PRKN: variants seen among roughly 807,000 people sequenced by gnomAD.
PRKN encodes the protein parkin RBR E3 ubiquitin protein ligase.
Under a neutral mutation model 59.5 loss-of-function variants are expected in PRKN, and 56 were observed. The ratio of observed to expected loss-of-function variants is 0.94; its 90% CI spans 0.76 to 1.18. The LOEUF (loss-of-function observed/expected upper bound fraction) is 1.18, where lower values mean the gene tolerates loss of function less well. PRKN is among the 50% of genes most tolerant of loss of function. The probability of loss-of-function intolerance (pLI) is 0.00; values close to 1 mark genes in which losing one functional copy is unlikely to be tolerated. For missense variants in PRKN, 657 were observed against 596.4 expected, an observed-to-expected ratio of 1.10 and a Z score of -1.06; for synonymous variants, 250 against 222.1, an observed-to-expected ratio of 1.13 and a Z score of -1.12.
At chr6:161,989,941 G>C (rs117654177) in intron 5 of PRKN, among the ~76,000 whole-genome samples, 2,349 of 152,216 alleles carry the variant, frequency 0.015, 25 homozygotes, top group Non-Finnish European at 0.024. Flanking sequence ...ATCACCTGGA[G>C]GCCTGAGCAC....
chr6:161,381,983 G>A (rs923887439), intron 10 of PRKN, among the ~76,000 whole-genome samples: 7 of 151,930 alleles, frequency 4.6e-5, no homozygotes, highest in Admixed American at 3.9e-4. Flanking sequence ...GCAGTAGCAG[G>A]TGCCTGTAGT....
At chr6:162,568,446 G>A (rs1001753667) in intron 1 of PRKN, 18 of 615,148 alleles carry the variant, frequency 2.9e-5, no homozygotes, top group Non-Finnish European at 1.8e-5. Flanking sequence ...AGCTTCCGGG[G>A]GTGGCCTGGG....
intron 7 of PRKN, among the ~76,000 whole-genome samples, chr6:161,747,588 G>T (rs999483306): frequency 5.3e-5 from 8 of 152,146 alleles, no homozygotes; most frequent in Non-Finnish European, 8.8e-5. Context: ...AAACACGTGG[G>T]CACGACAATA....
At chr6:162,712,882 T>C (rs953544704) in intron 1 of PRKN, among the ~76,000 whole-genome samples, 1 of 152,198 alleles carries the variant, frequency 6.6e-6, no homozygotes, top group African/African-American at 2.4e-5. Context: ...AACAAACTTA[T>C]GAAACCTCCA....
chr6:162,455,013 T>C (rs970518165), intron 1 of PRKN, among the ~76,000 whole-genome samples: 7 of 152,200 alleles, frequency 4.6e-5, no homozygotes, highest in African/African-American at 1.7e-4. Flanking sequence ...CTGGTATGAA[T>C]ACAGATACAC....
At chr6:162,650,151 T>C (rs1263923836) in intron 1 of PRKN, among the ~76,000 whole-genome samples, 3 of 152,168 alleles carry the variant, frequency 2.0e-5, no homozygotes, top group African/African-American at 7.2e-5. Context: ...TATACCGAAG[T>C]AGAAGCTGCC....
intron 1 of PRKN, among the ~76,000 whole-genome samples, chr6:162,615,376 C>T (rs1243090212): frequency 6.6e-6 from 1 of 152,110 alleles, no homozygotes; most frequent in African/African-American, 2.4e-5. Flanking sequence ...CAGCTATATA[C>T]TCAGCAGTAT....
intron 9 of PRKN, among the ~76,000 whole-genome samples, chr6:161,540,117 C>T (rs905227904): frequency 3.3e-5 from 5 of 152,184 alleles, no homozygotes; most frequent in African/African-American, 1.2e-4. Context: ...GACCCAAGCA[C>T]TACATCCTTA....
At chr6:161,851,164 G>A (rs765576891) in intron 6 of PRKN, among the ~76,000 whole-genome samples, 13 of 152,132 alleles carry the variant, frequency 8.5e-5, no homozygotes, top group Admixed American at 2.0e-4. Context: ...GATTAATGTC[G>A]TTCTCATGGG....
At chr6:162,011,820 A>T (rs974203100) in intron 5 of PRKN, among the ~76,000 whole-genome samples, 2 of 151,822 alleles carry the variant, frequency 1.3e-5, no homozygotes, top group Non-Finnish European at 2.9e-5. Context: ...ACCTTTACAA[A>T]ATAGCAACTA....
At chr6:161,567,037 T>TTTTTTTG (rs548743646) in intron 8 of PRKN, among the ~76,000 whole-genome samples, 117 of 103,762 alleles carry the variant, frequency 1.1e-3, no homozygotes, top group South Asian at 6.6e-3. Flanking sequence ...TTTTTTTTTT[T>TTTTTTTG]TGTGTGTGTG....
chr6:161,392,384 CA>C (rs202036026), intron 9 of PRKN, among the ~76,000 whole-genome samples: 14 of 147,420 alleles, frequency 9.5e-5, no homozygotes, highest in African/African-American at 3.5e-4. Flanking sequence ...ACTCTGTCTC[CA>C]AAAAAAAAGA....
chr6:162,419,540 G>A (rs1788841268), intron 2 of PRKN, among the ~76,000 whole-genome samples: 1 of 109,132 alleles, frequency 9.2e-6, no homozygotes, highest in African/African-American at 3.8e-5. Flanking sequence ...AGCAGGTGCA[G>A]GGTCAACAAG....
intron 7 of PRKN, among the ~76,000 whole-genome samples, chr6:161,649,589 T>A (rs529628550): frequency 6.6e-6 from 1 of 152,348 alleles, no homozygotes; most frequent in South Asian, 2.1e-4. Context: ...CTATTTCCTA[T>A]GAAAAGGACA....
rs1004303404 is a variant in PRKN, at chr6:161,470,471, G to A, written c.1083+78383C>T. 6.6e-6 allele frequency among the ~76,000 whole-genome samples: 1 copy of A among 152,112 alleles called. No homozygotes were observed. The highest frequency in any genetic ancestry group is 1.5e-5 in the Non-Finnish European group (1 of 68,032). ...ACGGATCAGAACTTCCTGAGAGCAG[G>A]ACACTCTGGATTACCTGAGAAGCAC... is the stretch of plus-strand genomic sequence containing the variant. On this transcript the variant is annotated intron_variant, in intron 9 of 11. Coordinates refer to ENST00000366898, the MANE Select transcript of PRKN (RefSeq NM_004562.3). This position sits in a 1 kb window ranked among gnomAD's most constrained non-coding sequence, Gnocchi z 5.1.
At chr6:162,633,156 C>G (rs568190698) in intron 1 of PRKN, among the ~76,000 whole-genome samples, 1 of 151,460 alleles carries the variant, frequency 6.6e-6, no homozygotes, top group East Asian at 2.0e-4. Context: ...AAATGTAGGC[C>G]GGGTGCGGTG....
At chr6:162,708,659 T>C (rs920543809) in intron 1 of PRKN, among the ~76,000 whole-genome samples, 2 of 152,256 alleles carry the variant, frequency 1.3e-5, no homozygotes, top group African/African-American at 4.8e-5. Flanking sequence ...GCCAAAAATC[T>C]AATAGCGTTT....
intron 4 of PRKN, among the ~76,000 whole-genome samples, chr6:162,105,410 C>CT (rs1780151461): frequency 6.6e-6 from 1 of 152,032 alleles, no homozygotes; most frequent in Admixed American, 6.6e-5. Context: ...ATAAAATATT[C>CT]ATTTTTTAAA....
At chr6:162,571,323 C>CAAAAAAAAAAAAAAAAA (rs67519540) in intron 1 of PRKN, 1 of 118,988 alleles carries the variant, frequency 8.4e-6, no homozygotes. Context: ...AAACTCATTT[C>CAAAAAAAAAAAAAAAAA]AAAAAAAAAA....
Sources: gnomAD v4.1 joint callset for allele counts (sites outside exome capture counted in the v4.1 genomes callset) on GRCh38, gnomAD v4.1.1 for gene constraint, Gnocchi (gnomAD v3.1) non-coding constraint, MANE v1.5 for transcripts, NCBI Gene and HGNC (gene_info 2026-07-23, HGNC 2026-07-21) for gene names.